TRIM9: variants seen among roughly 807,000 people sequenced by gnomAD.
TRIM9 encodes tripartite motif containing 9.
In TRIM9, 26 loss-of-function variants were observed where a neutral mutation model predicts 78.3. The observed-to-expected ratio is 0.33, with a 90% CI of 0.24 to 0.46. The LOEUF (loss-of-function observed/expected upper bound fraction) is 0.46, where lower values mean the gene tolerates loss of function less well. TRIM9 is among the 20% of genes least tolerant of loss of function. TRIM9 has a pLI of 1.00. For missense variants in TRIM9, 787 were observed against 1,036.4 expected (o/e 0.76, Z 3.30); for synonymous variants, 398 against 416.5 (o/e 0.96, Z 0.54).
chr14:50,980,212 C>T (rs2051674746), intron 11 of TRIM9, among the ~76,000 whole-genome samples: 1 of 152,076 alleles, frequency 6.6e-6, no homozygotes, highest in Non-Finnish European at 1.5e-5. Flanking sequence ...GAAGAAGAGG[C>T]TTCTTCTCTG....
At chr14:51,050,566 A>G (rs754654949) in intron 1 of TRIM9, among the ~76,000 whole-genome samples, 2 of 152,174 alleles carry the variant, frequency 1.3e-5, no homozygotes, top group Non-Finnish European at 2.9e-5. Flanking sequence ...GTCTTTAACA[A>G]TGTGACCCTC....
chr14:51,083,435 T>C (rs2063488685), intron 1 of TRIM9, among the ~76,000 whole-genome samples: 1 of 151,778 alleles, frequency 6.6e-6, no homozygotes, highest in Non-Finnish European at 1.5e-5. Flanking sequence ...AAAAAAATTT[T>C]TTTTTTAGAG....
At chr14:50,997,129 G>A in intron 7 of TRIM9, 10 of 985,382 alleles carry the variant, frequency 1.0e-5, no homozygotes, top group Non-Finnish European at 1.2e-5. Flanking sequence ...TGATTAAAAT[G>A]ACACCCCAAA....
intron 7 of TRIM9, among the ~76,000 whole-genome samples, chr14:50,989,273 G>A (rs942436652): frequency 1.6e-4 from 25 of 152,216 alleles, no homozygotes; most frequent in Middle Eastern, 3.4e-3. Flanking sequence ...TGGTTTAGCC[G>A]AATCACACTT....
chr14:51,017,146 C>T (rs2057296162), intron 3 of TRIM9, among the ~76,000 whole-genome samples: 1 of 152,210 alleles, frequency 6.6e-6, no homozygotes, highest in South Asian at 2.1e-4. Flanking sequence ...TTCACTAAAA[C>T]TTACAGCATT....
chr14:51,035,082 T>C (rs1249836994), intron 1 of TRIM9, among the ~76,000 whole-genome samples: 3 of 152,180 alleles, frequency 2.0e-5, no homozygotes, highest in South Asian at 2.1e-4. Context: ...ATATATGACA[T>C]GACAAATTTT....
chr14:50,982,250 G>T lies in TRIM9; in HGVS notation c.1859-147C>A, dbSNP rs898189306. Reference sequence around the variant, plus strand: ...GCGTCCAGGGCCAGGGCAGACAGGGGCACGTCCTGGGAGTTGGTACTCTCT... The same window carrying T: ...GCGTCCAGGGCCAGGGCAGACAGGGTCACGTCCTGGGAGTTGGTACTCTCT... On this transcript the variant is annotated intron_variant, in intron 10 of 12. Coordinates refer to ENST00000684578, the MANE Select transcript of TRIM9 (RefSeq NM_001387360.1). 4.7e-6 allele frequency: 4 copies of T among 849,258 alleles called. No individual in the cohort carries two copies. In the East Asian group the frequency reaches 1.1e-4, roughly 23 times the overall value. 52.6% of individuals were successfully genotyped at this position (849,258 alleles called of 1,614,324 possible). A position where few individuals can be genotyped will look rare whatever the true frequency, so the allele number is the denominator to read the frequency against.
intron 3 of TRIM9, among the ~76,000 whole-genome samples, chr14:51,022,243 T>C (rs10149786): frequency 0.15 from 23,566 of 152,220 alleles, 1,866 homozygotes; most frequent in Middle Eastern, 0.25. Flanking sequence ...CCTTCATGAA[T>C]GGACGAATGC....
chr14:51,010,720 AG>A (rs1483790628), intron 3 of TRIM9, among the ~76,000 whole-genome samples: 2 of 152,196 alleles, frequency 1.3e-5, no homozygotes, highest in Non-Finnish European at 2.9e-5. Context: ...TCAGAAGGGA[AG>A]GCAGGTAGAT....
intron 7 of TRIM9, 121 bp from the exon 8 acceptor site, chr14:50,986,265 C>T: frequency 1.1e-6 from 1 of 889,722 alleles, no homozygotes. Context: ...CCACAGGGTG[C>T]CACACTCAGG....
At chr14:51,081,948 T>A (rs74054046) in intron 1 of TRIM9, among the ~76,000 whole-genome samples, 2,992 of 152,262 alleles carry the variant, frequency 0.02, 109 homozygotes, top group African/African-American at 0.069. Flanking sequence ...TTTATAGAAC[T>A]CAATCTCCAG....
intron 1 of TRIM9, among the ~76,000 whole-genome samples, chr14:51,072,336 G>C (rs1375661420): frequency 6.6e-6 from 1 of 150,908 alleles, no homozygotes; most frequent in Admixed American, 6.7e-5. Context: ...GCCATCCAAC[G>C]AGAATTCCTA....
chr14:51,016,014 A>T (rs553627329), intron 3 of TRIM9, among the ~76,000 whole-genome samples: 2 of 152,172 alleles, frequency 1.3e-5, no homozygotes, highest in Non-Finnish European at 2.9e-5. Context: ...GGTCCGGTAC[A>T]GTTGTCTCCT....
chr14:50,991,572 A>C (rs1440543133), intron 7 of TRIM9, among the ~76,000 whole-genome samples: 1 of 152,188 alleles, frequency 6.6e-6, no homozygotes, highest in Non-Finnish European at 1.5e-5. Context: ...ACATTTCCTT[A>C]TATGATCCTT....
chr14:51,053,113 T>C lies in TRIM9; in HGVS notation c.823-27753A>G, dbSNP rs1315308721. 2.0e-5 allele frequency among the ~76,000 whole-genome samples: 3 copies of C among 151,212 alleles called. No individual in the cohort carries two copies. In the South Asian group the frequency reaches 6.3e-4, roughly 32 times the overall value. ...AGGTGGAGGTTACAGTGAGCCGAGA[T>C]TGTGCCACTGCATTCCAGCCTGGGT... is the stretch of plus-strand genomic sequence containing the variant. On this transcript the variant is annotated intron_variant, in intron 1 of 12. Coordinates refer to ENST00000684578, the MANE Select transcript of TRIM9 (RefSeq NM_001387360.1).
At chr14:51,041,133 C>T (rs1246545891) in intron 1 of TRIM9, among the ~76,000 whole-genome samples, 1 of 152,194 alleles carries the variant, frequency 6.6e-6, no homozygotes, top group Middle Eastern at 3.2e-3. Context: ...CATTTCCATG[C>T]AGTGAATTGC....
intron 1 of TRIM9, among the ~76,000 whole-genome samples, chr14:51,078,606 A>G (rs1785542004): frequency 6.6e-6 from 1 of 152,256 alleles, no homozygotes; most frequent in African/African-American, 2.4e-5. Context: ...AGTAAGCCAG[A>G]CACAGAAAGA....
chr14:51,013,263 C>T (rs1171668622), intron 3 of TRIM9, among the ~76,000 whole-genome samples: 6 of 143,322 alleles, frequency 4.2e-5, no homozygotes, highest in African/African-American at 1.3e-4. Context: ...ATCCAATTTT[C>T]CCCACACCAC....
Position 51,000,770 on chromosome 14 carries a change from C to G in TRIM9, c.1377G>C (p.Thr459=), listed in dbSNP as rs200192609. 2 of 1,614,184 alleles carry G rather than the reference C, an allele frequency of 1.2e-6. No homozygotes were observed. The highest frequency in any genetic ancestry group is 8.5e-7 in the Non-Finnish European group (1 of 1,180,036). ...EECCTHNNSA[T]LSWKQPPLST... ...ACAGAGGTGGCTGTTTCCAGGACAA[C>G]GTAGCGCTGTTGTTGTGGGTACAAC... The change falls in exon 6 of 13, where the codon ACG becomes ACC. Residue 459 remains threonine (T), a synonymous_variant. Transcript: ENST00000684578.
Sources: gnomAD v4.1 joint callset for allele counts (sites outside exome capture counted in the v4.1 genomes callset) on GRCh38, gnomAD v4.1.1 for gene constraint, MANE v1.5 for transcripts, NCBI Gene and HGNC (gene_info 2026-07-23, HGNC 2026-07-21) for gene names.